TTC7B: variants seen among roughly 807,000 people sequenced by gnomAD.
TTC7B encodes the protein tetratricopeptide repeat protein 7B.
Under a neutral mutation model 106.8 loss-of-function variants are expected in TTC7B, and 28 were observed. The observed-to-expected ratio is 0.26, with a 90% CI of 0.19 to 0.36. The LOEUF (loss-of-function observed/expected upper bound fraction) is 0.36. Among genes scored for constraint, TTC7B ranks in the 10% least tolerant of loss-of-function variants. TTC7B has a pLI of 1.00. For missense variants in TTC7B, 862 were observed against 1,076.4 expected (o/e 0.80, Z 2.79); for synonymous variants, 405 against 430.6 (o/e 0.94, Z 0.74).
chr14:90,578,428 A>T lies in TTC7B; in HGVS notation c.2108-120T>A. The T allele has an allele frequency of 9.9e-7, 1 of 1,006,174 alleles. No homozygotes were observed. The highest frequency in any genetic ancestry group is 2.6e-5 in the East Asian group (1 of 38,688). 62.3% of individuals were successfully genotyped at this position (1,006,174 alleles called of 1,614,324 possible). A position where few individuals can be genotyped will look rare whatever the true frequency, so the allele number is the denominator to read the frequency against. The stretch of plus-strand genomic sequence containing the variant: ...GTCTGGCGGGGCGCAGAGCCAGCTG[A>T]TCCCTGCTCCAAGTGGAAACAGCTG... On this transcript the variant is annotated intron_variant, in intron 18 of 19. Coordinates refer to ENST00000328459, the MANE Select transcript of TTC7B (RefSeq NM_001010854.2). This position sits in a 1 kb window ranked among gnomAD's most constrained non-coding sequence, Gnocchi z 4.7.
At chr14:90,789,249 C>T (rs866084026) in intron 1 of TTC7B, among the ~76,000 whole-genome samples, 5 of 152,182 alleles carry the variant, frequency 3.3e-5, no homozygotes, top group Middle Eastern at 3.4e-3. Context: ...CAGGCACCCA[C>T]CACCATGCCC....
At chr14:90,691,424 TG>T (rs1015369107) in intron 6 of TTC7B, among the ~76,000 whole-genome samples, 3 of 152,230 alleles carry the variant, frequency 2.0e-5, no homozygotes, top group Non-Finnish European at 4.4e-5. Flanking sequence ...GAAGGCCATT[TG>T]GTTATGTCCA....
At chr14:90,794,187 G>A (rs1338683916) in intron 1 of TTC7B, among the ~76,000 whole-genome samples, 4 of 150,182 alleles carry the variant, frequency 2.7e-5, no homozygotes, top group African/African-American at 9.9e-5. Flanking sequence ...ACAAGTGTGA[G>A]CCACTGCACC....
intron 3 of TTC7B, 68 bp from the exon 4 acceptor site, chr14:90,744,990 C>T (rs1274864924): frequency 6.7e-7 from 1 of 1,499,046 alleles, no homozygotes; most frequent in African/African-American, 1.4e-5. Flanking sequence ...TTAAATATTG[C>T]TCTAGAGGGC....
At chr14:90,715,978 T>A (rs1230410100) in intron 5 of TTC7B, among the ~76,000 whole-genome samples, 1 of 152,218 alleles carries the variant, frequency 6.6e-6, no homozygotes, top group African/African-American at 2.4e-5. Context: ...CAGGGTGATA[T>A]AATTATTTGT....
intron 18 of TTC7B, among the ~76,000 whole-genome samples, chr14:90,592,399 G>A (rs554554433): frequency 6.6e-6 from 1 of 152,268 alleles, no homozygotes; most frequent in South Asian, 2.1e-4. Flanking sequence ...CAGTGTAGTG[G>A]GATTCTCGTT....
At chr14:90,779,398 G>A (rs1256610607) in intron 3 of TTC7B, among the ~76,000 whole-genome samples, 1 of 152,124 alleles carries the variant, frequency 6.6e-6, no homozygotes, top group Non-Finnish European at 1.5e-5. Flanking sequence ...CTGCCTCCCG[G>A]GTTTCCAGCA....
intron 1 of TTC7B, among the ~76,000 whole-genome samples, chr14:90,789,286 C>T (rs537262748): frequency 4.5e-4 from 68 of 152,070 alleles, no homozygotes; most frequent in Non-Finnish European, 7.6e-4. Flanking sequence ...TTAGTAGAGA[C>T]GGAGTTTCGC....
chr14:90,720,645 A>G (rs545383892), intron 5 of TTC7B, among the ~76,000 whole-genome samples: 1 of 152,334 alleles, frequency 6.6e-6, no homozygotes, highest in African/African-American at 2.4e-5. Flanking sequence ...AGCAATTCCC[A>G]GGGCATGAAT....
At chr14:90,764,784 GGC>G (rs1890618900) in intron 3 of TTC7B, among the ~76,000 whole-genome samples, 1 of 152,120 alleles carries the variant, frequency 6.6e-6, no homozygotes, top group Non-Finnish European at 1.5e-5. Context: ...ACTCTAGGAT[GGC>G]TATAATCAAA....
In TTC7B at chr14:90,578,120, T is replaced by C. The variant is rs1475461820; in HGVS notation, c.2296A>G (p.Ser766Gly). The C allele has an allele frequency of 6.2e-7, 1 of 1,611,148 alleles. No homozygotes were observed. Among genetic ancestry groups the C allele is most frequent in the Non-Finnish European group, 8.5e-7 (1 of 1,178,926 alleles). ...ALAISPTHVK[S>G]MQRLALILHQ... Reference sequence around the variant, plus strand: ...CGTGGACTCACCAGTCGCTGCATGCTCTTCACGTGGGTGGGGCTGATGGCT... The same window carrying C: ...CGTGGACTCACCAGTCGCTGCATGCCCTTCACGTGGGTGGGGCTGATGGCT... Residue 766 changes from serine (S) to glycine (G), a missense_variant, in exon 19 of 20, where the codon AGC becomes GGC. Coordinates refer to ENST00000328459, the MANE Select transcript of TTC7B (RefSeq NM_001010854.2). This position sits in a 1 kb window ranked among gnomAD's most constrained non-coding sequence, Gnocchi z 4.7.
rs112979918 is a variant in TTC7B, at chr14:90,766,821, G to C, written c.445+13917C>G. 8 of 1,592,580 alleles carry C rather than the reference G, an allele frequency of 5.0e-6. No homozygotes were observed. The African/African-American group carries it at 9.4e-5, about 19-fold the overall frequency. Reference sequence around the variant, plus strand: ...ATGTAAAGGATGGAAAATATAGCCAGGTCCTAGCCAATGGTCTGGACAACA... The same window carrying C: ...ATGTAAAGGATGGAAAATATAGCCACGTCCTAGCCAATGGTCTGGACAACA... On this transcript the variant is annotated intron_variant, in intron 3 of 19. Transcript: ENST00000328459.
chr14:90,675,126 A>C (rs947842877), intron 9 of TTC7B: 5 of 152,580 alleles, frequency 3.3e-5, no homozygotes, highest in Non-Finnish European at 5.9e-5. Flanking sequence ...CCAGCCAGTC[A>C]ACAGGGCCAG....
intron 5 of TTC7B, chr14:90,698,272 T>A (rs947396486): frequency 6.6e-6 from 1 of 152,208 alleles, no homozygotes; most frequent in Non-Finnish European, 1.5e-5. Flanking sequence ...GAAGTTAACT[T>A]GCAAGAATTC....
chr14:90,751,899 T>C (rs1890149148), intron 3 of TTC7B, among the ~76,000 whole-genome samples: 1 of 152,176 alleles, frequency 6.6e-6, no homozygotes, highest in African/African-American at 2.4e-5. Context: ...CCAAGGTCCA[T>C]GCAGGAGTCA....
intron 19 of TTC7B, among the ~76,000 whole-genome samples, chr14:90,567,191 T>G (rs1211954329): frequency 6.6e-6 from 1 of 152,128 alleles, no homozygotes; most frequent in African/African-American, 2.4e-5. Context: ...CTGTCTTCCT[T>G]CCTCCTAAGC....
chr14:90,779,261 T>A, intron 3 of TTC7B, among the ~76,000 whole-genome samples: 1 of 152,316 alleles, frequency 6.6e-6, no homozygotes, highest in Middle Eastern at 3.4e-3. Context: ...ATCCCTAGCT[T>A]TTACTATTTG....
chr14:90,797,931 G>A (rs2029981237), intron 1 of TTC7B, among the ~76,000 whole-genome samples: 1 of 152,196 alleles, frequency 6.6e-6, no homozygotes, highest in Non-Finnish European at 1.5e-5. Context: ...GTGGTGGCCT[G>A]GCTGTACGAA....
intron 5 of TTC7B, among the ~76,000 whole-genome samples, chr14:90,721,991 G>A (rs530895040): frequency 2.0e-5 from 3 of 152,164 alleles, no homozygotes; most frequent in Admixed American, 6.5e-5. Context: ...CGGATTTTCC[G>A]AATAGAAACT....
Sources: gnomAD v4.1 joint callset for allele counts (sites outside exome capture counted in the v4.1 genomes callset) on GRCh38, gnomAD v4.1.1 for gene constraint, Gnocchi (gnomAD v3.1) non-coding constraint, MANE v1.5 for transcripts, NCBI Gene and HGNC (gene_info 2026-07-23, HGNC 2026-07-21) for gene names.